PKHD1: variants seen among roughly 807,000 people sequenced by gnomAD.
The protein encoded by PKHD1 is fibrocystin.
In PKHD1, 291 loss-of-function variants were observed where a neutral mutation model predicts 412.0. The observed-to-expected ratio is 0.71, with a 90% CI of 0.64 to 0.78. The LOEUF is 0.78. Among genes scored for constraint, PKHD1 ranks in the 30% least tolerant of loss-of-function variants. The pLI, the probability that PKHD1 is intolerant of heterozygous loss-of-function variation, is 0.00. For synonymous variants in PKHD1, 1,777 were observed against 1,821.5 expected, an observed-to-expected ratio of 0.98 and a Z score of 0.62; for missense variants, 4,825 against 4,950.7, an observed-to-expected ratio of 0.97 and a Z score of 0.76.
At chr6:51,994,801 T>A (rs1797526439) in intron 35 of PKHD1, among the ~76,000 whole-genome samples, 3 of 152,132 alleles carry the variant, frequency 2.0e-5, no homozygotes, top group African/African-American at 7.2e-5. Flanking sequence ...CAGGCTGGTC[T>A]CAGACTCCTG....
In PKHD1 at chr6:51,754,994, A is replaced by G. The variant is rs1254994654; in HGVS notation, c.8643-56T>C. 3.5e-6 allele frequency: 5 copies of G among 1,441,874 alleles called. No individual in the cohort carries two copies. In the East Asian group the frequency reaches 1.1e-4, roughly 33 times the overall value. The allele number at this position is 1,441,874 out of a possible 1,614,324, so 89.3% of individuals were successfully genotyped here. ...ACTAACAGTGCAGCACAAATCATCT[A>G]TTAACTCCAGAGCAAGAAAAGGAAA... On this transcript the variant is annotated intron_variant, in intron 55 of 66. Transcript: ENST00000371117.
Position 51,748,349 on chromosome 6 carries a change from G to C in PKHD1, c.9267C>G (p.Ile3089Met). The C allele has an allele frequency of 6.2e-7, 1 of 1,614,066 alleles. No homozygotes were observed. Among genetic ancestry groups the C allele is most frequent in the African/African-American group, 1.3e-5 (1 of 75,048 alleles). Residue 3089 changes from isoleucine (I) to methionine (M), a missense_variant, in exon 58 of 67, where the codon ATC becomes ATG. Coordinates refer to ENST00000371117, the MANE Select transcript of PKHD1 (RefSeq NM_138694.4). ...AGIKVNQVKD[I>M]NLHGNVVAGS... ...CTGCCACAACGTTGCCATGGAGGTT[G>C]ATGTCCTTTACCTGGTTCACTTTGA...
chr6:51,817,632 T>A (rs1291773051), intron 52 of PKHD1, among the ~76,000 whole-genome samples: 7 of 152,198 alleles, frequency 4.6e-5, no homozygotes, highest in Non-Finnish European at 8.8e-5. Flanking sequence ...TATGAATGAA[T>A]GAGAGCGGCT....
rs762068294 is a variant in PKHD1, at chr6:52,058,511, G to A, written c.1324C>T (p.Pro442Ser). The change falls in exon 16 of 67, where the codon CCC becomes TCC. Residue 442 changes from proline to serine, a missense_variant. Coordinates refer to ENST00000371117, the MANE Select transcript of PKHD1 (RefSeq NM_138694.4). ...GCTCCACCCAACAGCTCCAACTTGG[G>A]AGTCTTCTGCTGCCAGGTCCCTTCA... ...RDEGTWQQKT[P>S]KLELLGGAMY... is the part of the protein sequence containing the mutation. 6.2e-7 allele frequency: 1 copy of A among 1,614,146 alleles called. No individual in the cohort carries two copies. The highest frequency in any genetic ancestry group is 8.5e-7 in the Non-Finnish European group (1 of 1,180,020).
At chr6:51,855,213 C>G (rs1235028293) in intron 49 of PKHD1, among the ~76,000 whole-genome samples, 1 of 152,236 alleles carries the variant, frequency 6.6e-6, no homozygotes, top group East Asian at 1.9e-4. Context: ...CACTGCTCTT[C>G]CTTCTCTCCG....
intron 66 of PKHD1, chr6:51,623,018 T>A (rs1353700709): frequency 6.6e-6 from 1 of 152,172 alleles, no homozygotes. Context: ...AATCACATTA[T>A]CTTAAGAATA....
chr6:51,777,261 G>C (rs1001895755), intron 53 of PKHD1, among the ~76,000 whole-genome samples: 3 of 151,996 alleles, frequency 2.0e-5, no homozygotes, highest in Non-Finnish European at 4.4e-5. Flanking sequence ...TATATACCTG[G>C]ATAGCCAAAA....
intron 55 of PKHD1, among the ~76,000 whole-genome samples, chr6:51,763,474 C>A (rs1017040440): frequency 2.0e-5 from 3 of 152,100 alleles, no homozygotes; most frequent in Non-Finnish European, 4.4e-5. Flanking sequence ...ATGGTTCCTG[C>A]CAAATTCCAG....
chr6:51,791,101 T>A, intron 53 of PKHD1, 135 bp downstream of exon 53: 1 of 853,592 alleles, frequency 1.2e-6, no homozygotes. Context: ...GCAACTTTAC[T>A]GGTGCACTCA....
chr6:51,754,920 T>C lies in PKHD1; in HGVS notation c.8661A>G (p.Ala2887=). ...SGNERIIVED[A]VDWRPHDKIV... is the part of the protein sequence containing the mutation. Reference sequence around the variant, plus strand: ...TTTTGTCATGGGGGCGCCAATCCACTGCATCTTCTACTATAATTCTGTAAC... The same window carrying C: ...TTTTGTCATGGGGGCGCCAATCCACCGCATCTTCTACTATAATTCTGTAAC... The change falls in exon 56 of 67, where the codon GCA becomes GCG. Residue 2887 remains alanine, a synonymous_variant. Transcript: ENST00000371117. 1 of 1,613,334 alleles carries C rather than the reference T, an allele frequency of 6.2e-7. No individual in the cohort carries two copies. Among genetic ancestry groups the C allele is most frequent in the Non-Finnish European group, 8.5e-7 (1 of 1,179,356 alleles).
chr6:52,026,271 T>C, intron 31 of PKHD1, 90 bp from the exon 32 acceptor site: 2 of 1,237,800 alleles, frequency 1.6e-6, no homozygotes, highest in Non-Finnish European at 2.4e-6. Context: ...GTCAATTAAG[T>C]GGAAGGTAGG....
At chr6:51,749,450 A>G (rs1785729615) in intron 57 of PKHD1, among the ~76,000 whole-genome samples, 1 of 152,214 alleles carries the variant, frequency 6.6e-6, no homozygotes. Context: ...TTGATTTAAA[A>G]ATACAATGAT....
chr6:51,843,624 CT>C (rs1770613252), intron 50 of PKHD1, among the ~76,000 whole-genome samples: 1 of 152,198 alleles, frequency 6.6e-6, no homozygotes, highest in African/African-American at 2.4e-5. Context: ...TAAAAGAACA[CT>C]TGTTCTACAG....
At chr6:51,815,756 T>A (rs1765357024) in intron 52 of PKHD1, among the ~76,000 whole-genome samples, 1 of 152,172 alleles carries the variant, frequency 6.6e-6, no homozygotes, top group African/African-American at 2.4e-5. Context: ...AATTAAAGCC[T>A]GCTGATTTTG....
chr6:51,771,257 A>T (rs1790075372), intron 55 of PKHD1, among the ~76,000 whole-genome samples: 1 of 152,102 alleles, frequency 6.6e-6, no homozygotes, highest in African/African-American at 2.4e-5. Flanking sequence ...TATTTTTTGT[A>T]TAAAGAGAAC....
chr6:52,049,268 TG>T (rs1489393528), intron 22 of PKHD1, among the ~76,000 whole-genome samples: 5 of 152,236 alleles, frequency 3.3e-5, no homozygotes, highest in Non-Finnish European at 7.3e-5. Context: ...TACTGAATAC[TG>T]TAGGCAATTG....
chr6:51,656,585 T>C (rs867202861), intron 61 of PKHD1, among the ~76,000 whole-genome samples: 26 of 152,010 alleles, frequency 1.7e-4, no homozygotes, highest in Middle Eastern at 3.4e-3. Flanking sequence ...TAGTTCACTG[T>C]GTATTATTTA....
In PKHD1 at chr6:51,744,230, G is replaced by A. The variant is rs571968286; in HGVS notation, c.10156+155C>T. Among the ~76,000 whole-genome samples the A allele has an allele frequency of 5.3e-5, 8 of 152,298 alleles. No homozygotes were observed. The South Asian group carries it at 8.3e-4, about 16-fold the overall frequency. ...GATCACATAATGACTCAGCATTCCT[G>A]TAATACAGGTGAATTGGCAGCAGAT... On this transcript the variant is annotated intron_variant, in intron 60 of 66. Coordinates refer to ENST00000371117, the MANE Select transcript of PKHD1 (RefSeq NM_138694.4).
intron 34 of PKHD1, 23 bp downstream of exon 34, chr6:52,017,387 A>G (rs748171030): frequency 7.9e-6 from 12 of 1,514,040 alleles, no homozygotes; most frequent in Admixed American, 1.7e-5. Flanking sequence ...GGGGAAGTTC[A>G]GGGAGGGAGA....
Sources: gnomAD v4.1 joint callset for allele counts (sites outside exome capture counted in the v4.1 genomes callset) on GRCh38, gnomAD v4.1.1 for gene constraint, MANE v1.5 for transcripts, NCBI Gene and HGNC (gene_info 2026-07-23, HGNC 2026-07-21) for gene names.